The following MAGI2 variants were observed in gnomAD, a reference collection of about 807,000 sequenced individuals.
MAGI2 encodes membrane-associated guanylate kinase, WW and PDZ domain-containing protein 2.
Under a neutral mutation model 133.3 loss-of-function variants are expected in MAGI2, and 35 were observed. The observed-to-expected ratio is 0.26, with a 90% CI of 0.20 to 0.35. The LOEUF (loss-of-function observed/expected upper bound fraction) is 0.35, where lower values mean the gene tolerates loss of function less well. MAGI2 is among the 10% of genes least tolerant of loss of function. The probability of loss-of-function intolerance (pLI) is 1.00; values close to 1 mark genes in which losing one functional copy is unlikely to be tolerated. For missense variants in MAGI2, 1,636 were observed against 1,863.4 expected, an observed-to-expected ratio of 0.88 and a Z score of 2.25; for synonymous variants, 729 against 710.6, an observed-to-expected ratio of 1.03 and a Z score of -0.41.
At chr7:78,670,625 G>A (rs1395170922) in intron 2 of MAGI2, among the ~76,000 whole-genome samples, 1 of 152,076 alleles carries the variant, frequency 6.6e-6, no homozygotes, top group Non-Finnish European at 1.5e-5. Flanking sequence ...TCAATCCTAA[G>A]CCAAAAGAAC....
chr7:78,412,956 C>A (rs1583976802), intron 6 of MAGI2, among the ~76,000 whole-genome samples: 1 of 152,190 alleles, frequency 6.6e-6, no homozygotes. Context: ...TACTCTCTGT[C>A]TTCCTTCAGA....
In MAGI2 at chr7:78,667,849, A is replaced by G. The variant is rs577369382; in HGVS notation, c.419-40610T>C. Among the ~76,000 whole-genome samples, 21 of 152,290 alleles carry G rather than the reference A, an allele frequency of 1.4e-4. No individual in the cohort carries two copies. The East Asian group carries it at 4.1e-3, about 29-fold the overall frequency. On this transcript the variant is annotated intron_variant, in intron 2 of 21. Transcript: ENST00000354212. Reference sequence around the variant, plus strand: ...TATTGTGAATAGTACCGCAATAAACATACGTGTGCATGTGTCTTCATAGCA... The same window carrying G: ...TATTGTGAATAGTACCGCAATAAACGTACGTGTGCATGTGTCTTCATAGCA...
At chr7:78,690,803 A>T (rs1427397997) in intron 2 of MAGI2, among the ~76,000 whole-genome samples, 1 of 152,202 alleles carries the variant, frequency 6.6e-6, no homozygotes, top group African/African-American at 2.4e-5. Flanking sequence ...GGTCCCTCAA[A>T]AATATTTCCT....
At chr7:78,188,342 T>C (rs767053941) in intron 12 of MAGI2, among the ~76,000 whole-genome samples, 1 of 152,180 alleles carries the variant, frequency 6.6e-6, no homozygotes, top group Non-Finnish European at 1.5e-5. Flanking sequence ...GGCAAAGTAA[T>C]GCACAATGTG....
chr7:79,243,839 A>G (rs1319227856), intron 1 of MAGI2, among the ~76,000 whole-genome samples: 1 of 152,242 alleles, frequency 6.6e-6, no homozygotes, highest in Non-Finnish European at 1.5e-5. Context: ...CTGTTAGATA[A>G]TAGAAAAGAA....
At chr7:78,303,118 C>G (rs971572182) in intron 9 of MAGI2, among the ~76,000 whole-genome samples, 1 of 152,096 alleles carries the variant, frequency 6.6e-6, no homozygotes, top group Non-Finnish European at 1.5e-5. Flanking sequence ...TGGCTCATGC[C>G]TGTAGTCCCA....
At chr7:78,124,327 T>C (rs545105712) in intron 20 of MAGI2, among the ~76,000 whole-genome samples, 119 of 152,330 alleles carry the variant, frequency 7.8e-4, no homozygotes, top group African/African-American at 2.7e-3. Flanking sequence ...AAGAGGAGGC[T>C]GGTGCTAGAT....
chr7:79,317,558 T>C (rs1681059692), intron 1 of MAGI2, among the ~76,000 whole-genome samples: 2 of 152,222 alleles, frequency 1.3e-5, no homozygotes, highest in South Asian at 4.1e-4. Flanking sequence ...GATATCAAAG[T>C]AATCATTTCA....
chr7:79,130,012 G>A (rs988473357), intron 1 of MAGI2, among the ~76,000 whole-genome samples: 13 of 152,004 alleles, frequency 8.6e-5, no homozygotes, highest in Non-Finnish European at 1.3e-4. Flanking sequence ...GTTAGGTTAT[G>A]AAAATGGGCT....
intron 1 of MAGI2, among the ~76,000 whole-genome samples, chr7:79,310,963 C>G (rs1838235878): frequency 6.6e-6 from 1 of 151,850 alleles, no homozygotes; most frequent in Non-Finnish European, 1.5e-5. Context: ...CACACACACA[C>G]ACACCCCTCT....
chr7:79,012,660 G>A (rs2116598779), intron 1 of MAGI2, among the ~76,000 whole-genome samples: 1 of 152,238 alleles, frequency 6.6e-6, no homozygotes, highest in East Asian at 1.9e-4. Flanking sequence ...AGGTAAACAA[G>A]TTTTAGTTAC....
intron 2 of MAGI2, among the ~76,000 whole-genome samples, chr7:78,701,744 A>T (rs1818096060): frequency 6.6e-6 from 1 of 152,028 alleles, no homozygotes; most frequent in East Asian, 1.9e-4. Flanking sequence ...ATAAAATGTC[A>T]ATTTACAAAC....
chr7:78,382,803 C>G (rs1410074912), intron 6 of MAGI2, among the ~76,000 whole-genome samples: 2 of 152,022 alleles, frequency 1.3e-5, no homozygotes, highest in Non-Finnish European at 2.9e-5. Flanking sequence ...TCTTTCCATT[C>G]TCTACCTCTA....
chr7:78,916,731 T>A (rs138518794), intron 2 of MAGI2, among the ~76,000 whole-genome samples: 352 of 152,250 alleles, frequency 2.3e-3, no homozygotes, highest in African/African-American at 8.0e-3. Context: ...TTTGACAGCC[T>A]GTCAGTGTAC....
chr7:79,245,932 A>G (rs1832793314), intron 1 of MAGI2, among the ~76,000 whole-genome samples: 2 of 152,180 alleles, frequency 1.3e-5, no homozygotes, highest in African/African-American at 2.4e-5. Context: ...GCACAGAAAG[A>G]GACTCCATTT....
At chr7:78,227,548 C>T (rs564455368) in intron 10 of MAGI2, among the ~76,000 whole-genome samples, 1 of 152,296 alleles carries the variant, frequency 6.6e-6, no homozygotes, top group East Asian at 1.9e-4. Flanking sequence ...CACCTTTAAT[C>T]TCACCTTCAG....
chr7:79,214,585 C>A (rs1000496765), intron 1 of MAGI2, among the ~76,000 whole-genome samples: 22 of 139,748 alleles, frequency 1.6e-4, no homozygotes, highest in Admixed American at 3.7e-4. Context: ...CGGATAGAGA[C>A]AGAGAGAGAG....
chr7:78,768,755 G>C (rs922818183), intron 2 of MAGI2, among the ~76,000 whole-genome samples: 1 of 152,082 alleles, frequency 6.6e-6, no homozygotes, highest in African/African-American at 2.4e-5. Context: ...AAAATTTAAA[G>C]AATTATTATT....
chr7:78,889,762 C>T (rs1281488485), intron 2 of MAGI2, among the ~76,000 whole-genome samples: 3 of 152,154 alleles, frequency 2.0e-5, no homozygotes, highest in African/African-American at 7.2e-5. Flanking sequence ...TGATACCAGC[C>T]ACTGCAAAAA....
Sources: allele counts gnomAD v4.1 joint callset (sites outside exome capture counted in the v4.1 genomes callset), GRCh38; gene constraint gnomAD v4.1.1; transcripts MANE v1.5; gene names NCBI Gene and HGNC (gene_info 2026-07-23, HGNC 2026-07-21).